The following ZNF160 variants were observed in gnomAD, a reference collection of about 807,000 sequenced individuals.
ZNF160 encodes KRAB zinc finger protein KR18.
Under a neutral mutation model 13.1 loss-of-function variants are expected in ZNF160, and 9 were observed. That is an observed-to-expected ratio of 0.69 (90% CI 0.41 to 1.20). The LOEUF (loss-of-function observed/expected upper bound fraction) is 1.20, where lower values mean the gene tolerates loss of function less well. Among genes scored for constraint, ZNF160 ranks in the 50% most tolerant of loss-of-function variants. ZNF160 has a pLI of 0.01. For synonymous variants in ZNF160, 293 were observed against 333.2 expected (o/e 0.88, Z 1.31); for missense variants, 838 against 988.0 (o/e 0.85, Z 2.04).
chr19:53,097,749 C>A (rs1296137696), intron 1 of ZNF160, among the ~76,000 whole-genome samples: 12 of 152,196 alleles, frequency 7.9e-5, no homozygotes, highest in Non-Finnish European at 1.3e-4. Context: ...ACTGAAAATA[C>A]CCCGAATGCC....
chr19:53,101,443 T>C (rs1182461178), intron 1 of ZNF160, among the ~76,000 whole-genome samples: 2 of 150,314 alleles, frequency 1.3e-5, no homozygotes, highest in Non-Finnish European at 3.0e-5. Flanking sequence ...TTATTTAATA[T>C]GTATATGATA....
At chr19:53,102,105 G>GT (rs1213237429) in intron 1 of ZNF160, among the ~76,000 whole-genome samples, 1 of 151,760 alleles carries the variant, frequency 6.6e-6, no homozygotes, top group Non-Finnish European at 1.5e-5. Context: ...TTCTTCTGCT[G>GT]TTTCTCCCTT....
rs73068945 is a variant in ZNF160, at chr19:53,088,668, G to T, written c.-45-2347C>A. On this transcript the variant is annotated intron_variant, in intron 2 of 5. Coordinates refer to ENST00000683776, the MANE Select transcript of ZNF160 (RefSeq NM_001322131.2). Reference sequence around the variant, plus strand: ...AGATGGAAGAGTAGAAGAAAAAAAGGCTTTATCATGCATTGGAGATCTGTT... The same window carrying T: ...AGATGGAAGAGTAGAAGAAAAAAAGTCTTTATCATGCATTGGAGATCTGTT... 2.9e-3 allele frequency among the ~76,000 whole-genome samples: 435 copies of T among 152,216 alleles called. 3 individuals carry two copies. Among genetic ancestry groups the T allele is most frequent in the Middle Eastern group, 0.01 (3 of 294 alleles).
rs2084117750 is a variant in ZNF160, at chr19:53,070,242, T to C, written c.292A>G (p.Ile98Val). 3 of 1,602,290 alleles carry C rather than the reference T, an allele frequency of 1.9e-6. No individual in the cohort carries two copies. Among genetic ancestry groups the C allele is most frequent in the Non-Finnish European group, 2.6e-6 (3 of 1,175,342 alleles). ...VVTDIPPKCT[I>V]KDLLPKEKSS... ...TTCTCTTTTGGTAGCAAATCCTTGA[T>C]TGTACATTTAGGAGGGATATCTACA... The change falls in exon 6 of 6, where the codon ATC becomes GTC. Residue 98 changes from isoleucine to valine, a missense_variant. Around this residue, in one of 3 missense-constraint regions of ZNF160, gnomAD observed 387 missense variants for 402.3 expected, o/e 0.96. Coordinates refer to ENST00000683776, the MANE Select transcript of ZNF160 (RefSeq NM_001322131.2).
chr19:53,069,571 G>C lies in ZNF160; in HGVS notation c.963C>G (p.Val321=), dbSNP rs2084086057. ...TTGCAAGGTATGAATTGTGCCTGAA[G>C]ACCTTGCCACACTCATGACATTTGT... is the stretch of plus-strand genomic sequence containing the variant. ...KPYKCHECGK[V]FRHNSYLATH... Residue 321 remains valine, a synonymous_variant, in exon 6 of 6, where the codon GTC becomes GTG. Coordinates refer to ENST00000683776, the MANE Select transcript of ZNF160 (RefSeq NM_001322131.2). This position sits in a 1 kb window ranked among gnomAD's most constrained non-coding sequence, Gnocchi z 4.4. The C allele has an allele frequency of 6.2e-7, 1 of 1,614,108 alleles. No homozygotes were observed. The highest frequency in any genetic ancestry group is 1.3e-5 in the African/African-American group (1 of 75,014).
intron 2 of ZNF160, among the ~76,000 whole-genome samples, chr19:53,089,953 T>G (rs2084973552): frequency 6.6e-6 from 1 of 151,948 alleles, no homozygotes; most frequent in Non-Finnish European, 1.5e-5. Context: ...TTCTTCCACC[T>G]CTTATTCCTT....
At chr19:53,074,947 C>T (rs778226927) in intron 4 of ZNF160, 110 bp downstream of exon 4, 3 of 1,445,036 alleles carry the variant, frequency 2.1e-6, no homozygotes, top group Non-Finnish European at 2.9e-6. Context: ...TCAGAGTCAA[C>T]AGGACTTCAA....
In ZNF160 at chr19:53,069,357, C is replaced by A; in HGVS notation, c.1177G>T (p.Gly393Ter). Reference protein sequence around the residue: ...HLISHWRIHTGEKPYKCNECG... With the variant: ...HLISHWRIHT ...TCATTGCACTTGTAAGGTTTCTCTC[C>A]AGTGTGAATTCTCCAATGACTTATA... is the stretch of plus-strand genomic sequence containing the variant. Residue 393 changes from glycine (G) to a stop codon, truncating the protein, a stop_gained, in exon 6 of 6, where the codon GGA (glycine) becomes TGA (stop). Coordinates refer to ENST00000683776, the MANE Select transcript of ZNF160 (RefSeq NM_001322131.2). LOFTEE classifies it low-confidence loss of function (END_TRUNC). The surrounding 1 kb of genome is among the most constrained non-coding windows in gnomAD (Gnocchi z 4.4). The A allele has an allele frequency of 6.2e-7, 1 of 1,614,000 alleles. No homozygotes were observed. Among genetic ancestry groups the A allele is most frequent in the Non-Finnish European group, 8.5e-7 (1 of 1,179,888 alleles).
rs558447216 is a variant in ZNF160, at chr19:53,082,032, C to T, written c.15+4230G>A. On this transcript the variant is annotated intron_variant, in intron 3 of 5. Coordinates refer to ENST00000683776, the MANE Select transcript of ZNF160 (RefSeq NM_001322131.2). ...AATGCACAAATAGAAGAACAAATAC[C>T]GCATGTTCTCACAATGGCAGCTAAA... Among the ~76,000 whole-genome samples the T allele has an allele frequency of 3.2e-4, 48 of 152,214 alleles. 1 individual carries two copies. Among genetic ancestry groups the T allele is most frequent in the African/African-American group, 1.1e-3 (44 of 41,546 alleles).
intron 2 of ZNF160, among the ~76,000 whole-genome samples, chr19:53,088,393 T>G (rs1159606844): frequency 2.0e-5 from 3 of 151,954 alleles, no homozygotes; most frequent in African/African-American, 7.3e-5. Context: ...GAAGACAAAG[T>G]GGCCGCACAC....
chr19:53,073,098 T>C, intron 5 of ZNF160: 1 of 1,061,668 alleles, frequency 9.4e-7, no homozygotes, highest in Non-Finnish European at 1.3e-6. Flanking sequence ...ACTCCTAATG[T>C]TTTCACCCAG....
chr19:53,069,238 T>G lies in ZNF160; in HGVS notation c.1296A>C (p.Lys432Asn). Residue 432 changes from lysine to asparagine, a missense_variant, in exon 6 of 6, where the codon AAA becomes AAC. Lys to Asn is a moderately conservative substitution (Grantham distance 94). Around this residue, in one of 3 missense-constraint regions of ZNF160, gnomAD observed 400 missense variants for 538.9 expected, o/e 0.74. Transcript: ENST00000683776. The surrounding 1 kb of genome is among the most constrained non-coding windows in gnomAD (Gnocchi z 4.4). ...EKPYKCNECG[K>N]VFRYNSYLGR... ...CGAGGTATGAATTGTACCTAAAGAC[T>G]TTGCCACATTCATTACATTTGTAAG... 6.2e-7 allele frequency: 1 copy of G among 1,612,014 alleles called. No individual in the cohort carries two copies. The highest frequency in any genetic ancestry group is 8.5e-7 in the Non-Finnish European group (1 of 1,178,656).
Position 53,068,408 on chromosome 19 carries a change from T to G in ZNF160, c.2126A>C (p.Glu709Ala), listed in dbSNP as rs1407837817. The part of the protein sequence containing the change: ...HTGEKPYRCN[E>A]CGKAFSVRSS... The stretch of plus-strand genomic sequence containing the variant: ...ACGAACACTGAAGGCTTTCCCACAC[T>G]CATTGCATCGGTAAGGTTTCTCTCC... The change falls in exon 6 of 6, where the codon GAG becomes GCG. Residue 709 changes from glutamate to alanine, a missense_variant. Coordinates refer to ENST00000683776, the MANE Select transcript of ZNF160 (RefSeq NM_001322131.2). 1 of 1,613,908 alleles carries G rather than the reference T, an allele frequency of 6.2e-7. No individual in the cohort carries two copies. The highest frequency in any genetic ancestry group is 1.3e-5 in the African/African-American group (1 of 74,880).
At chr19:53,094,734 C>T (rs548288854) in intron 1 of ZNF160, among the ~76,000 whole-genome samples, 17 of 152,262 alleles carry the variant, frequency 1.1e-4, no homozygotes, top group Non-Finnish European at 2.2e-4. Flanking sequence ...GAAAATAAGC[C>T]GGAAGCATCC....
intron 3 of ZNF160, among the ~76,000 whole-genome samples, chr19:53,079,516 C>T (rs1025576787): frequency 6.9e-6 from 1 of 145,332 alleles, no homozygotes; most frequent in Non-Finnish European, 1.5e-5. Context: ...CTGCACTGCG[C>T]TCCAGCCTGA....
Position 53,069,054 on chromosome 19 carries a change from AAT to A in ZNF160, c.1478_1479del (p.Asn493IlefsTer19), listed in dbSNP as rs2084066526. The A allele has an allele frequency of 1.9e-6, 3 of 1,614,096 alleles. No homozygotes were observed. Among genetic ancestry groups the A allele is most frequent in the Non-Finnish European group, 2.5e-6 (3 of 1,180,028 alleles). On this transcript the variant is annotated frameshift_variant, in exon 6 of 6. Transcript: ENST00000683776. LOFTEE classifies it low-confidence loss of function (END_TRUNC). The surrounding 1 kb of genome is among the most constrained non-coding windows in gnomAD (Gnocchi z 4.4). ...CNECSKVFTQ[N>X]SQLANHRRIH... ...ATTCTTCGATGATTTGCAAGTTGTG[AAT>A]TTTGAGTGAAAACCTTGCTGCATTC...
intron 3 of ZNF160, among the ~76,000 whole-genome samples, chr19:53,083,194 G>A (rs1431136399): frequency 6.6e-6 from 1 of 152,092 alleles, no homozygotes; most frequent in African/African-American, 2.4e-5. Context: ...TTAAACCATT[G>A]GCCACTGGTG....
intron 1 of ZNF160, among the ~76,000 whole-genome samples, chr19:53,098,584 T>G (rs575585066): frequency 2.6e-5 from 4 of 151,848 alleles, no homozygotes; most frequent in Admixed American, 1.3e-4. Flanking sequence ...CCAGATCTCA[T>G]GAGGGAGGCT....
chr19:53,073,042 G>T (rs1600815653), intron 5 of ZNF160: 2 of 630,862 alleles, frequency 3.2e-6, no homozygotes, highest in East Asian at 1.3e-4. Flanking sequence ...TGGACTGATG[G>T]AAACAAGCCT....
Sources: gnomAD v4.1 joint callset for allele counts (sites outside exome capture counted in the v4.1 genomes callset) on GRCh38, gnomAD v4.1.1 for gene constraint, gnomAD v4.1.1 regional missense constraint, Gnocchi (gnomAD v3.1) non-coding constraint, MANE v1.5 for transcripts, NCBI Gene and HGNC (gene_info 2026-07-23, HGNC 2026-07-21) for gene names.